PTPRT: variants seen among roughly 807,000 people sequenced by gnomAD.
PTPRT encodes the protein protein tyrosine phosphatase receptor type T.
Under a neutral mutation model 176.8 loss-of-function variants are expected in PTPRT, and 56 were observed. The ratio of observed to expected loss-of-function variants is 0.32; its 90% CI spans 0.26 to 0.40. The LOEUF (loss-of-function observed/expected upper bound fraction) is 0.40. PTPRT is among the 10% of genes least tolerant of loss of function. The pLI, the probability that PTPRT is intolerant of heterozygous loss-of-function variation, is 1.00. For synonymous variants in PTPRT, 783 were observed against 739.0 expected (o/e 1.06, Z -0.96); for missense variants, 1,540 against 1,908.2 (o/e 0.81, Z 3.60).
intron 2 of PTPRT, among the ~76,000 whole-genome samples, chr20:42,841,469 C>A (rs1195054265): frequency 6.6e-6 from 1 of 152,124 alleles, no homozygotes; most frequent in Non-Finnish European, 1.5e-5. Context: ...CTAGTGAGAT[C>A]TGGGGCAACA....
chr20:42,144,466 T>A (rs966483954), intron 17 of PTPRT, among the ~76,000 whole-genome samples: 4 of 150,796 alleles, frequency 2.7e-5, no homozygotes, highest in African/African-American at 9.8e-5. Context: ...GAGATAGAAG[T>A]CATCAATCAG....
At chr20:42,737,747 G>A (rs1338660238) in intron 6 of PTPRT, among the ~76,000 whole-genome samples, 1 of 152,078 alleles carries the variant, frequency 6.6e-6, no homozygotes, top group African/African-American at 2.4e-5. Flanking sequence ...ATATACTGTT[G>A]TCTAAAGCCA....
At chr20:43,038,979 AATCAACACTG>A (rs1207252443) in intron 1 of PTPRT, among the ~76,000 whole-genome samples, 3 of 152,356 alleles carry the variant, frequency 2.0e-5, no homozygotes, top group Admixed American at 1.3e-4. Context: ...AGATAAGAGA[AATCAACACTG>A]TGAAAATGCC....
At chr20:42,224,052 C>T (rs1177801244) in intron 15 of PTPRT, among the ~76,000 whole-genome samples, 1 of 152,158 alleles carries the variant, frequency 6.6e-6, no homozygotes, top group Non-Finnish European at 1.5e-5. Context: ...CAATTCCCAC[C>T]CTCTTAGAAT....
At chr20:42,051,193 C>T in the PTPRT span, among the ~76,000 whole-genome samples, 8 of 152,170 alleles carry the variant, frequency 5.3e-5, no homozygotes, top group South Asian at 1.0e-3. Context: ...AAGTGGTCAT[C>T]GCCTGGATTC....
At chr20:42,255,258 C>T (rs913035583) in intron 13 of PTPRT, among the ~76,000 whole-genome samples, 9 of 152,160 alleles carry the variant, frequency 5.9e-5, no homozygotes, top group African/African-American at 7.2e-5. Context: ...ACCTGTTAAC[C>T]GCAATGTGAT....
intron 6 of PTPRT, among the ~76,000 whole-genome samples, chr20:42,709,674 T>C (rs891972282): frequency 6.6e-6 from 1 of 152,192 alleles, no homozygotes. Context: ...GCTATAAAAG[T>C]ACCTGAAGAT....
At chr20:42,855,002 G>A (rs2078536392) in intron 2 of PTPRT, among the ~76,000 whole-genome samples, 1 of 152,196 alleles carries the variant, frequency 6.6e-6, no homozygotes, top group East Asian at 1.9e-4. Context: ...TTTGGGAGCA[G>A]GGAACTAGGG....
chr20:42,663,074 C>T (rs946861474), intron 7 of PTPRT, among the ~76,000 whole-genome samples: 11 of 151,484 alleles, frequency 7.3e-5, no homozygotes, highest in Middle Eastern at 3.4e-3. Context: ...GTACCTATAC[C>T]CAAGGGCAGA....
rs557284244 is a variant in PTPRT at position 42,427,443 on chromosome 20, T to C, written c.1560+20777A>G. Reference sequence around the variant, plus strand: ...GCAATTTATTGCTCACAATTGAGGTTGGGAAATCCACGATCAAGGTGCCTG... The same window carrying C: ...GCAATTTATTGCTCACAATTGAGGTCGGGAAATCCACGATCAAGGTGCCTG... On this transcript the variant is annotated intron_variant, in intron 9 of 30. Transcript: ENST00000373187. 3.3e-5 allele frequency among the ~76,000 whole-genome samples: 5 copies of C among 152,322 alleles called. No individual in the cohort carries two copies. In the East Asian group the frequency reaches 9.6e-4, roughly 29 times the overall value.
At chr20:42,847,280 G>T (rs2078390357) in intron 2 of PTPRT, among the ~76,000 whole-genome samples, 1 of 152,176 alleles carries the variant, frequency 6.6e-6, no homozygotes. Flanking sequence ...ATCCCCTTGA[G>T]AGGAACAGCA....
intron 2 of PTPRT, among the ~76,000 whole-genome samples, chr20:42,796,952 C>T (rs551706966): frequency 6.6e-6 from 1 of 152,302 alleles, no homozygotes; most frequent in South Asian, 2.1e-4. Flanking sequence ...ATATTGTGGC[C>T]TCATGTAATC....
chr20:42,222,724 G>C (rs1157638213), intron 15 of PTPRT, among the ~76,000 whole-genome samples: 1 of 152,176 alleles, frequency 6.6e-6, no homozygotes, highest in Non-Finnish European at 1.5e-5. Flanking sequence ...CCCACCCTAT[G>C]TGTCTCTTCA....
intron 1 of PTPRT, among the ~76,000 whole-genome samples, chr20:43,177,508 A>G (rs1023466536): frequency 9.2e-5 from 14 of 152,158 alleles, no homozygotes; most frequent in Non-Finnish European, 1.5e-4. Context: ...GATACCAAAG[A>G]CCCCTAGAAT....
At chr20:42,222,827 A>G (rs1419963250) in intron 15 of PTPRT, among the ~76,000 whole-genome samples, 1 of 152,176 alleles carries the variant, frequency 6.6e-6, no homozygotes, top group Non-Finnish European at 1.5e-5. Context: ...AAATTAGTTG[A>G]ACCCAAAGAA....
intron 11 of PTPRT, among the ~76,000 whole-genome samples, chr20:42,329,121 G>A (rs1301052391): frequency 2.0e-5 from 3 of 152,160 alleles, no homozygotes. Flanking sequence ...CTACATGAGA[G>A]TCAATGCCTA....
At chr20:42,072,382 C>T (rs1274570029), downstream of PTPRT, among the ~76,000 whole-genome samples, 1 of 152,162 alleles carries the variant, frequency 6.6e-6, no homozygotes, top group Non-Finnish European at 1.5e-5. Context: ...GTTTATTATG[C>T]AGCCATAGCT....
chr20:43,075,498 G>A (rs1445600461), intron 1 of PTPRT, among the ~76,000 whole-genome samples: 1 of 152,254 alleles, frequency 6.6e-6, no homozygotes, highest in East Asian at 1.9e-4. Context: ...CATCCCACAG[G>A]TTGTTGTTGC....
At chr20:42,455,334 C>A (rs1348559253) in intron 8 of PTPRT, among the ~76,000 whole-genome samples, 1 of 152,176 alleles carries the variant, frequency 6.6e-6, no homozygotes, top group East Asian at 1.9e-4. Context: ...CAGTTATTCA[C>A]ATGGTAATTT....
Sources: allele counts gnomAD v4.1 joint callset (sites outside exome capture counted in the v4.1 genomes callset), GRCh38; gene constraint gnomAD v4.1.1; transcripts MANE v1.5; gene names NCBI Gene and HGNC (gene_info 2026-07-23, HGNC 2026-07-21).